Variants in ZNF469 observed in about 807,000 individuals in gnomAD.
ZNF469 encodes zinc finger protein 469.
Under a neutral mutation model 1.0 loss-of-function variants are expected in ZNF469, and 1 was observed. That is an observed-to-expected ratio of 1.00 (90% CI 0.35 to 4.73). ZNF469 has a LOEUF of 4.73. ZNF469 is among the 30% of genes most tolerant of loss of function. ZNF469 has a pLI of 0.16. For synonymous variants in ZNF469, 2,703 were observed against 2,363.4 expected (o/e 1.14, Z -4.17); for missense variants, 6,100 against 5,356.3 (o/e 1.14, Z -4.33).
chr16:88,142,632 G>A, the ZNF469 span, among the ~76,000 whole-genome samples: 2 of 152,192 alleles, frequency 1.3e-5, no homozygotes, highest in African/African-American at 4.8e-5. Flanking sequence ...TGCCAGGTGT[G>A]GCCCTGGGGC....
the ZNF469 span, among the ~76,000 whole-genome samples, chr16:88,120,332 G>T: frequency 6.4e-4 from 98 of 152,374 alleles, no homozygotes; most frequent in Non-Finnish European, 1.2e-3. Flanking sequence ...GCATGTGTGT[G>T]TTACAGAAAT....
In ZNF469 at chr16:88,427,791, G is replaced by A. The variant is rs1298415521; in HGVS notation, c.321G>A (p.Arg107=). Residue 107 remains arginine (R), a synonymous_variant, in exon 3 of 3, where the codon AGG becomes AGA. Coordinates refer to ENST00000565624, the MANE Select transcript of ZNF469 (RefSeq NM_001367624.2). ...PGRSPLQAPS[R]LAGRAEGSPP... ...GAAGCCCCTTGCAGGCTCCCTCAAGGCTGGCGGGCAGGGCAGAGGGCAGCC... is the reference window on the plus strand; with the variant it reads ...GAAGCCCCTTGCAGGCTCCCTCAAGACTGGCGGGCAGGGCAGAGGGCAGCC... The A allele has an allele frequency of 1.9e-6, 3 of 1,547,300 alleles. No homozygotes were observed. Among genetic ancestry groups the A allele is most frequent in the Non-Finnish European group, 2.6e-6 (3 of 1,146,740 alleles).
chr16:88,435,801 C>G lies in ZNF469; in HGVS notation c.8331C>G (p.Asp2777Glu). The G allele has an allele frequency of 6.4e-7, 1 of 1,550,576 alleles. No homozygotes were observed. The change falls in exon 3 of 3, where the codon GAC (aspartate) becomes GAG (glutamate). Residue 2777 changes from aspartate to glutamate, a missense_variant. Coordinates refer to ENST00000565624, the MANE Select transcript of ZNF469 (RefSeq NM_001367624.2). ...AGTCTGGGAGCGAGCCTGCGGAGGA[C>G]AGCAGCAGGGCCCACAGCCGATCAG... ...CKESGSEPAE[D>E]SSRAHSRSEE...
At chr16:88,314,080 CTG>C in the ZNF469 span, among the ~76,000 whole-genome samples, 3 of 139,728 alleles carry the variant, frequency 2.1e-5, no homozygotes, top group African/African-American at 8.0e-5. Context: ...TAGAATATCT[CTG>C]TGATTATGAT....
chr16:88,310,668 C>T, the ZNF469 span, among the ~76,000 whole-genome samples: 5 of 151,916 alleles, frequency 3.3e-5, no homozygotes, highest in Non-Finnish European at 5.9e-5. Flanking sequence ...CTGCAACCTC[C>T]ACCTCCTGGG....
the ZNF469 span, among the ~76,000 whole-genome samples, chr16:88,277,586 G>T: frequency 6.7e-6 from 1 of 148,746 alleles, no homozygotes; most frequent in African/African-American, 2.5e-5. Context: ...GGCACGGTTA[G>T]TGCTGCACCA....
At chr16:88,303,755 A>G in the ZNF469 span, among the ~76,000 whole-genome samples, 1 of 152,182 alleles carries the variant, frequency 6.6e-6, no homozygotes, top group African/African-American at 2.4e-5. Flanking sequence ...TCCCCCTGAA[A>G]TCCTGAACCT....
At chr16:88,418,741 C>T (rs763557885) in intron 1 of ZNF469, among the ~76,000 whole-genome samples, 1 of 152,160 alleles carries the variant, frequency 6.6e-6, no homozygotes, top group Non-Finnish European at 1.5e-5. Context: ...TAATTTGCGC[C>T]GTATTCTTAA....
the ZNF469 span, among the ~76,000 whole-genome samples, chr16:88,167,181 C>T: frequency 1.7e-4 from 26 of 151,698 alleles, 1 homozygote; most frequent in South Asian, 5.2e-3. Context: ...CCTGCCTCAG[C>T]CTCCCAAGTA....
At chr16:88,144,398 G>A in the ZNF469 span, among the ~76,000 whole-genome samples, 2 of 152,204 alleles carry the variant, frequency 1.3e-5, no homozygotes, top group South Asian at 2.1e-4. Context: ...CAGGAGGTAG[G>A]GCAGAGATAA....
At chr16:88,119,734 C>G in the ZNF469 span, among the ~76,000 whole-genome samples, 1 of 152,222 alleles carries the variant, frequency 6.6e-6, no homozygotes, top group African/African-American at 2.4e-5. Context: ...GCTGCCTCTC[C>G]TGGTTCTCCG....
chr16:88,141,413 C>G, the ZNF469 span, among the ~76,000 whole-genome samples: 1 of 143,526 alleles, frequency 7.0e-6, no homozygotes, highest in Non-Finnish European at 1.5e-5. Context: ...AAATGCTCAG[C>G]CTGGGAAAGA....
At chr16:88,198,641 G>A in the ZNF469 span, among the ~76,000 whole-genome samples, 2 of 152,200 alleles carry the variant, frequency 1.3e-5, no homozygotes, top group South Asian at 4.1e-4. Context: ...GTGCTGGAGT[G>A]TGTACTTTGA....
the ZNF469 span, among the ~76,000 whole-genome samples, chr16:88,253,500 A>C: frequency 2.6e-5 from 4 of 150,966 alleles, no homozygotes; most frequent in Admixed American, 6.6e-5. Flanking sequence ...ATTTTCTTGC[A>C]TAAGGTTGTG....
chr16:88,139,790 C>T, the ZNF469 span, among the ~76,000 whole-genome samples: 28 of 152,204 alleles, frequency 1.8e-4, no homozygotes, highest in Admixed American at 1.8e-3. Context: ...AATAGAATCT[C>T]CAGACCTTCT....
intron 1 of ZNF469, among the ~76,000 whole-genome samples, chr16:88,402,100 T>G (rs2142275437): frequency 6.6e-6 from 1 of 151,924 alleles, no homozygotes; most frequent in African/African-American, 2.4e-5. Flanking sequence ...GGTGGGTGGA[T>G]GGATGGATAC....
intron 1 of ZNF469, among the ~76,000 whole-genome samples, chr16:88,388,286 C>A (rs2142262960): frequency 6.6e-6 from 1 of 152,360 alleles, no homozygotes; most frequent in Middle Eastern, 3.4e-3. Context: ...GACATTCCGT[C>A]CCCTGGCTAA....
the ZNF469 span, among the ~76,000 whole-genome samples, chr16:88,317,205 G>C: frequency 6.6e-6 from 1 of 152,184 alleles, no homozygotes; most frequent in Non-Finnish European, 1.5e-5. Flanking sequence ...AGGCAGGGTG[G>C]GGAGCCGAAG....
chr16:88,260,805 T>C, the ZNF469 span, among the ~76,000 whole-genome samples: 3 of 152,142 alleles, frequency 2.0e-5, no homozygotes, highest in Non-Finnish European at 4.4e-5. The surrounding 1 kb of genome is among the most constrained non-coding windows in gnomAD (Gnocchi z 4.1). Context: ...ACTGAGGATC[T>C]TGAGATGGAA....
Sources: gnomAD v4.1 joint callset for allele counts (sites outside exome capture counted in the v4.1 genomes callset) on GRCh38, gnomAD v4.1.1 for gene constraint, Gnocchi (gnomAD v3.1) non-coding constraint, MANE v1.5 for transcripts, NCBI Gene and HGNC (gene_info 2026-07-23, HGNC 2026-07-21) for gene names.